The following KDM1B variants were observed in gnomAD, a reference collection of about 807,000 sequenced individuals.
The protein encoded by KDM1B is lysine-specific histone demethylase 2.
Under a neutral mutation model 107.4 loss-of-function variants are expected in KDM1B, and 63 were observed. The ratio of observed to expected loss-of-function variants is 0.59; its 90% CI spans 0.48 to 0.72. The LOEUF (loss-of-function observed/expected upper bound fraction) is 0.72. Among genes scored for constraint, KDM1B ranks in the 30% least tolerant of loss-of-function variants. The pLI is 0.00. For missense variants in KDM1B, 749 were observed against 1,020.8 expected (o/e 0.73, Z 3.63); for synonymous variants, 363 against 363.9 (o/e 1.00, Z 0.03).
intron 8 of KDM1B, among the ~76,000 whole-genome samples, chr6:18,187,203 G>T (rs995201243): frequency 9.2e-5 from 14 of 152,156 alleles, no homozygotes; most frequent in African/African-American, 3.4e-4. Flanking sequence ...CTCTGGAACA[G>T]TATCACGTAT....
At chr6:18,190,474 C>T (rs1051412162) in intron 9 of KDM1B, among the ~76,000 whole-genome samples, 2 of 149,044 alleles carry the variant, frequency 1.3e-5, no homozygotes, top group Admixed American at 6.7e-5. Flanking sequence ...TGGTGGCGGG[C>T]GCCTGTAGTC....
rs1048033538 is a variant in KDM1B at position 18,212,732 on chromosome 6, T to A, written c.1983+128T>A. ...AAAACTCAAGGATTTCCTTTTCATTTGAGTAATTGTTCGTGAAGAACACAG... is the reference window on the plus strand; with the variant it reads ...AAAACTCAAGGATTTCCTTTTCATTAGAGTAATTGTTCGTGAAGAACACAG... On this transcript the variant is annotated intron_variant, in intron 18 of 21. Coordinates refer to ENST00000650836, the MANE Select transcript of KDM1B (RefSeq NM_001364614.2). The surrounding 1 kb of genome is among the most constrained non-coding windows in gnomAD (Gnocchi z 5.2). The A allele has an allele frequency of 2.3e-5, 16 of 707,264 alleles. No individual in the cohort carries two copies. The African/African-American group carries it at 2.3e-4, about 10-fold the overall frequency. 43.8% of individuals were successfully genotyped at this position (707,264 alleles called of 1,614,324 possible).
At position 18,222,060 on chromosome 6, in the gene KDM1B, GT is replaced by G. The variant is rs757375211; in HGVS notation, c.*72del. 2.1e-6 allele frequency: 3 copies of G among 1,401,254 alleles called. No homozygotes were observed. The highest frequency in any genetic ancestry group is 3.0e-6 in the Non-Finnish European group (3 of 986,112). The allele number at this position is 1,401,254 out of a possible 1,614,324, so 86.8% of individuals were successfully genotyped here. On this transcript the variant is annotated 3_prime_UTR_variant, in exon 22 of 22. Transcript: ENST00000650836. ...AATTTGAATCACATGTTAAACCTCA[GT>G]TTTATAAGAGGGGGAAAAAACCGTC...
chr6:18,157,197 C>A (rs1784671631), intron 2 of KDM1B, among the ~76,000 whole-genome samples: 3 of 152,040 alleles, frequency 2.0e-5, no homozygotes, highest in Admixed American at 2.0e-4. Flanking sequence ...ATTTTTTCTT[C>A]ATTTTAAGAC....
chr6:18,177,265 A>G (rs919600091), intron 7 of KDM1B, among the ~76,000 whole-genome samples: 1 of 152,150 alleles, frequency 6.6e-6, no homozygotes, highest in Non-Finnish European at 1.5e-5. Context: ...AAGTGTTAGT[A>G]GTAGCCTCGA....
intron 10 of KDM1B, among the ~76,000 whole-genome samples, chr6:18,192,844 T>C (rs1787370467): frequency 6.6e-6 from 1 of 152,030 alleles, no homozygotes; most frequent in African/African-American, 2.4e-5. Flanking sequence ...GGAAGAATAT[T>C]ATAGAAGTCC....
chr6:18,206,556 G>A (rs535649297), intron 15 of KDM1B, among the ~76,000 whole-genome samples: 3 of 152,172 alleles, frequency 2.0e-5, no homozygotes, highest in Admixed American at 6.5e-5. Flanking sequence ...AAGGAAGGAG[G>A]GCTATTGGGC....
rs1014804041 is a variant in KDM1B, at chr6:18,172,057, A to G, written c.534+578A>G. Among the ~76,000 whole-genome samples the G allele has an allele frequency of 5.3e-5, 8 of 152,192 alleles. No homozygotes were observed. Among genetic ancestry groups the G allele is most frequent in the African/African-American group, 1.7e-4 (7 of 41,464 alleles). ...CACCATAAATGCAGCTTCCCTAACT[A>G]TAGTGAGGACAGAGGAAGAAAATAT... is the stretch of plus-strand genomic sequence containing the variant. On this transcript the variant is annotated intron_variant, in intron 7 of 21. Transcript: ENST00000650836. This position sits in a 1 kb window ranked among gnomAD's most constrained non-coding sequence, Gnocchi z 5.2.
chr6:18,189,820 C>G (rs567732827), intron 9 of KDM1B, among the ~76,000 whole-genome samples: 1 of 152,010 alleles, frequency 6.6e-6, no homozygotes, highest in Non-Finnish European at 1.5e-5. Flanking sequence ...CTTCTATGAA[C>G]CTATTCATTT....
chr6:18,193,720 T>A (rs112020120), intron 10 of KDM1B, among the ~76,000 whole-genome samples: 260 of 151,878 alleles, frequency 1.7e-3, no homozygotes, highest in African/African-American at 6.1e-3. Flanking sequence ...AGCTGGGGGG[T>A]TGGTGACAAG....
intron 17 of KDM1B, 109 bp downstream of exon 17, chr6:18,208,315 A>G: frequency 1.3e-6 from 1 of 751,876 alleles, no homozygotes; most frequent in Non-Finnish European, 2.2e-6. Context: ...ATCTGCCTGG[A>G]CCCTTGTTGG....
intron 7 of KDM1B, among the ~76,000 whole-genome samples, chr6:18,182,505 GTATA>G (rs1389506641): frequency 1.3e-5 from 2 of 151,960 alleles, no homozygotes; most frequent in Non-Finnish European, 2.9e-5. Context: ...GTCCATGTAA[GTATA>G]TAAAGAGCTC....
At position 18,212,762 on chromosome 6, in the gene KDM1B, ATAT is replaced by A. The variant is rs1473370150; in HGVS notation, c.1983+162_1983+164del. Among the ~76,000 whole-genome samples, 4 of 152,226 alleles carry A rather than the reference ATAT, an allele frequency of 2.6e-5. No individual in the cohort carries two copies. Among genetic ancestry groups the A allele is most frequent in the African/African-American group, 7.2e-5 (3 of 41,462 alleles). ...AATTGTTCGTGAAGAACACAGAAGAATATTATCAAAACGAAAGGAGGAGAGCTG... is the reference window on the plus strand; with the variant it reads ...AATTGTTCGTGAAGAACACAGAAGAATATCAAAACGAAAGGAGGAGAGCTG... On this transcript the variant is annotated intron_variant, in intron 18 of 21. Coordinates refer to ENST00000650836, the MANE Select transcript of KDM1B (RefSeq NM_001364614.2). The surrounding 1 kb of genome is among the most constrained non-coding windows in gnomAD (Gnocchi z 5.2).
intron 9 of KDM1B, among the ~76,000 whole-genome samples, chr6:18,188,429 T>C (rs1412360924): frequency 6.6e-6 from 1 of 151,988 alleles, no homozygotes; most frequent in African/African-American, 2.4e-5. Flanking sequence ...GGAAGTTGGA[T>C]TGCTGTCTTG....
intron 7 of KDM1B, among the ~76,000 whole-genome samples, chr6:18,182,401 T>G (rs1460269582): frequency 1.3e-5 from 2 of 152,154 alleles, no homozygotes; most frequent in Non-Finnish European, 2.9e-5. Context: ...TCAGTGAAGG[T>G]TTATTTGTAG....
In KDM1B at chr6:18,205,208, G is replaced by A. The variant is rs9465118; in HGVS notation, c.1532-329G>A. Among the ~76,000 whole-genome samples the A allele has an allele frequency of 0.013, 2,029 of 152,206 alleles. 42 individuals carry two copies. The highest frequency in any genetic ancestry group is 0.045 in the African/African-American group (1,869 of 41,520). On this transcript the variant is annotated intron_variant, in intron 14 of 21. Transcript: ENST00000650836. This position sits in a 1 kb window ranked among gnomAD's most constrained non-coding sequence, Gnocchi z 5.7. ...ATCTATGTGTGGGGACAGTTTTTCT[G>A]TATCTTGAGCAAAAGAGGAAACCAC...
At chr6:18,180,006 G>C (rs1786343123) in intron 7 of KDM1B, among the ~76,000 whole-genome samples, 1 of 150,776 alleles carries the variant, frequency 6.6e-6, no homozygotes, top group African/African-American at 2.4e-5. Context: ...TGGGACTACA[G>C]GTGTGTGCCA....
chr6:18,206,497 A>G lies in KDM1B; in HGVS notation c.1659+833A>G, dbSNP rs184455314. Among the ~76,000 whole-genome samples the G allele has an allele frequency of 2.0e-5, 3 of 152,324 alleles. No homozygotes were observed. The East Asian group carries it at 5.8e-4, about 29-fold the overall frequency. On this transcript the variant is annotated intron_variant, in intron 15 of 21. Coordinates refer to ENST00000650836, the MANE Select transcript of KDM1B (RefSeq NM_001364614.2). ...GTGCTACCACACTGCTGCCTGGGCG[A>G]TAGAGTGAGACCCTGTCTAGGGGGA...
In KDM1B at chr6:18,162,609, T is replaced by G. The variant is rs1785041128; in HGVS notation, c.216-226T>G. On this transcript the variant is annotated intron_variant, in intron 4 of 21. Coordinates refer to ENST00000650836, the MANE Select transcript of KDM1B (RefSeq NM_001364614.2). This position sits in a 1 kb window ranked among gnomAD's most constrained non-coding sequence, Gnocchi z 4.1. The stretch of plus-strand genomic sequence containing the variant: ...CCCCAAGGAGTCTTCTTAAGACTGC[T>G]AAGCCCCAGGCAGCCAGCTAGGTTA... 6.6e-6 allele frequency among the ~76,000 whole-genome samples: 1 copy of G among 152,186 alleles called. No homozygotes were observed. Among genetic ancestry groups the G allele is most frequent in the African/African-American group, 2.4e-5 (1 of 41,448 alleles).
Sources: allele counts gnomAD v4.1 joint callset (sites outside exome capture counted in the v4.1 genomes callset), GRCh38; gene constraint gnomAD v4.1.1; non-coding constraint Gnocchi (gnomAD v3.1); transcripts MANE v1.5; gene names NCBI Gene and HGNC (gene_info 2026-07-23, HGNC 2026-07-21).